Variants in SOX5 observed in about 807,000 individuals in gnomAD.
The protein encoded by SOX5 is SRY-box transcription factor 5.
In SOX5, 9 loss-of-function variants were observed where a neutral mutation model predicts 92.0. The ratio of observed to expected loss-of-function variants is 0.10; its 90% CI spans 0.06 to 0.17. SOX5 has a LOEUF of 0.17. Ranked by LOEUF, SOX5 falls within the 10% of genes least tolerant of loss-of-function variation. The pLI is 1.00. For synonymous variants in SOX5, 344 were observed against 336.3 expected, an observed-to-expected ratio of 1.02 and a Z score of -0.25; for missense variants, 642 against 944.5, an observed-to-expected ratio of 0.68 and a Z score of 4.20.
chr12:24,510,790 G>T (rs1248498101), intron 1 of SOX5, among the ~76,000 whole-genome samples: 1 of 152,194 alleles, frequency 6.6e-6, no homozygotes, highest in Admixed American at 6.5e-5. Flanking sequence ...TGATTTTGAG[G>T]TATCTGGCCT....
At chr12:23,792,622 CAAAAAAAAAAAAAAAA>C (rs749845598) in intron 3 of SOX5, among the ~76,000 whole-genome samples, 29 of 38,964 alleles carry the variant, frequency 7.4e-4, no homozygotes, top group Middle Eastern at 0.026. Context: ...GGCTCTGTCT[CAAAAAAAAAAAAAAAA>C]AAAAAAAAAA....
At chr12:24,075,438 T>C (rs1361842624) in intron 4 of SOX5, among the ~76,000 whole-genome samples, 1 of 152,110 alleles carries the variant, frequency 6.6e-6, no homozygotes, top group African/African-American at 2.4e-5. Flanking sequence ...AATCCTATTC[T>C]TATTAGATAG....
At chr12:24,314,534 A>AT (rs940590677) in intron 2 of SOX5, among the ~76,000 whole-genome samples, 9 of 149,838 alleles carry the variant, frequency 6.0e-5, no homozygotes, top group Non-Finnish European at 1.0e-4. Context: ...AAATTAAAAA[A>AT]TAAAAAAAAA....
chr12:24,535,940 T>C (rs566446504), intron 1 of SOX5, among the ~76,000 whole-genome samples: 1 of 147,394 alleles, frequency 6.8e-6, no homozygotes, highest in East Asian at 2.0e-4. Context: ...ACCAAAAGAA[T>C]CACAGAAAGT....
chr12:24,243,258 A>G (rs1294818856), intron 3 of SOX5, among the ~76,000 whole-genome samples: 2 of 152,212 alleles, frequency 1.3e-5, no homozygotes, highest in African/African-American at 2.4e-5. Context: ...TGGTATAACA[A>G]TTTTAACAAT....
intron 5 of SOX5, among the ~76,000 whole-genome samples, chr12:23,738,727 G>C (rs2093691977): frequency 6.6e-6 from 1 of 152,036 alleles, no homozygotes; most frequent in Non-Finnish European, 1.5e-5. Context: ...AGCAAATAGG[G>C]GTTATCTACA....
At chr12:24,474,411 C>T (rs1000973084) in intron 1 of SOX5, among the ~76,000 whole-genome samples, 3 of 152,158 alleles carry the variant, frequency 2.0e-5, no homozygotes, top group Non-Finnish European at 4.4e-5. Flanking sequence ...GGATGACCCC[C>T]CCACCGGTGT....
At chr12:23,571,130 C>G (rs1053643081) in intron 10 of SOX5, among the ~76,000 whole-genome samples, 1 of 148,284 alleles carries the variant, frequency 6.7e-6, no homozygotes, top group African/African-American at 2.5e-5. Flanking sequence ...GCCGGGACAA[C>G]AGAAAGAGTA....
intron 4 of SOX5, among the ~76,000 whole-genome samples, chr12:24,149,798 C>G (rs536506310): frequency 1.3e-5 from 2 of 151,844 alleles, no homozygotes; most frequent in Admixed American, 6.6e-5. Flanking sequence ...AACTGATGAA[C>G]AAACAAATAC....
chr12:23,949,883 C>T (rs1945313033), upstream of SOX5, among the ~76,000 whole-genome samples: 1 of 149,972 alleles, frequency 6.7e-6, no homozygotes, highest in Non-Finnish European at 1.5e-5. Flanking sequence ...CGGAGTCTGG[C>T]TGCTCCCCCC....
chr12:23,563,067 G>A (rs1469455573), intron 11 of SOX5, among the ~76,000 whole-genome samples, 191 bp downstream of exon 11: 1 of 152,188 alleles, frequency 6.6e-6, no homozygotes, highest in Non-Finnish European at 1.5e-5. Flanking sequence ...TGGATCAAGA[G>A]AATTATAACT....
intron 8 of SOX5, among the ~76,000 whole-genome samples, chr12:23,608,125 A>G (rs1408535381): frequency 6.8e-6 from 1 of 147,780 alleles, no homozygotes; most frequent in Non-Finnish European, 1.5e-5. Flanking sequence ...GAAAAAAAAA[A>G]AAAAAAAAAA....
intron 3 of SOX5, among the ~76,000 whole-genome samples, chr12:24,216,525 C>T (rs748413457): frequency 7.2e-5 from 11 of 152,090 alleles, no homozygotes; most frequent in Non-Finnish European, 1.3e-4. Flanking sequence ...AGAGTGATGG[C>T]GTTTCCAGTC....
chr12:23,616,856 A>G (rs1002417915), intron 8 of SOX5, among the ~76,000 whole-genome samples: 1 of 152,190 alleles, frequency 6.6e-6, no homozygotes, highest in African/African-American at 2.4e-5. Context: ...GCTGAGGCTC[A>G]AGCCTGTAAT....
intron 3 of SOX5, among the ~76,000 whole-genome samples, chr12:23,769,033 T>C (rs1289920286): frequency 1.3e-5 from 2 of 152,202 alleles, no homozygotes; most frequent in African/African-American, 4.8e-5. Flanking sequence ...TTTCCTATCA[T>C]ACAGTAGGTA....
At position 24,387,192 on chromosome 12, in the gene SOX5, A is replaced by G. The variant is rs75800168; in HGVS notation, c.-250-18553T>C. Among the ~76,000 whole-genome samples, 1,087 of 152,324 alleles carry G rather than the reference A, an allele frequency of 7.1e-3. 13 individuals are homozygous for G. The highest frequency in any genetic ancestry group is 0.025 in the African/African-American group (1,041 of 41,558). On this transcript the variant is annotated intron_variant, in intron 1 of 4. Transcript: ENST00000446891. Reference sequence around the variant, plus strand: ...TAGCCTGCAAACCATGAGTTGCTGGATACAGCATCTCCATTAACATGGTCA... The same window carrying G: ...TAGCCTGCAAACCATGAGTTGCTGGGTACAGCATCTCCATTAACATGGTCA...
intron 2 of SOX5, among the ~76,000 whole-genome samples, chr12:23,890,812 GAA>G (rs76268339): frequency 1.5e-5 from 2 of 135,916 alleles, no homozygotes; most frequent in African/African-American, 2.7e-5. Context: ...AAGTCAAGTT[GAA>G]AAAAAAAAAA....
chr12:24,261,348 G>A (rs1296798395), intron 3 of SOX5, among the ~76,000 whole-genome samples: 1 of 152,114 alleles, frequency 6.6e-6, no homozygotes, highest in Non-Finnish European at 1.5e-5. Context: ...TGTAGCAAAG[G>A]ATCACTCCAC....
chr12:24,307,190 T>C (rs1277348311), intron 2 of SOX5, among the ~76,000 whole-genome samples: 2 of 152,178 alleles, frequency 1.3e-5, no homozygotes, highest in African/African-American at 4.8e-5. Flanking sequence ...ACACACGTCG[T>C]CTCATTTCAT....
Sources: gnomAD v4.1 joint callset for allele counts (sites outside exome capture counted in the v4.1 genomes callset) on GRCh38, gnomAD v4.1.1 for gene constraint, MANE v1.5 for transcripts, NCBI Gene and HGNC (gene_info 2026-07-23, HGNC 2026-07-21) for gene names.